Variants in PNPLA6 observed in about 807,000 individuals in gnomAD.
The protein encoded by PNPLA6 is patatin-like phospholipase domain-containing protein 6.
Under a neutral mutation model 153.7 loss-of-function variants are expected in PNPLA6, and 105 were observed. The observed-to-expected ratio is 0.68, with a 90% confidence interval of 0.58 to 0.80. The LOEUF is 0.80. Ranked by LOEUF, PNPLA6 falls within the 30% of genes least tolerant of loss-of-function variation. PNPLA6 has a pLI of 0.00. For synonymous variants in PNPLA6, 825 were observed against 822.2 expected, an observed-to-expected ratio of 1.00 and a Z score of -0.06; for missense variants, 1,423 against 1,919.3, an observed-to-expected ratio of 0.74 and a Z score of 4.83.
Position 7,561,576 on chromosome 19 carries a change from G to A in PNPLA6, c.*14G>A. On this transcript the variant is annotated 3_prime_UTR_variant, in exon 32 of 32. Coordinates refer to ENST00000600737, the MANE Select transcript of PNPLA6 (RefSeq NM_001166114.2). Reference sequence around the variant, plus strand: ...ACAGATGCCTGAGGACCTCGACAGGGGTCACCCCCTCCCTCCCACCCCTGG... The same window carrying A: ...ACAGATGCCTGAGGACCTCGACAGGAGTCACCCCCTCCCTCCCACCCCTGG... The A allele has an allele frequency of 6.4e-7, 1 of 1,572,246 alleles. No individual in the cohort carries two copies. The highest frequency in any genetic ancestry group is 1.2e-5 in the South Asian group (1 of 86,742).
chr19:7,555,839 T>C lies in PNPLA6; in HGVS notation c.3093+76T>C, dbSNP rs2023855633. The stretch of plus-strand genomic sequence containing the variant: ...GTGGTTCCAACCTAACCTGATCCCA[T>C]GGGGGAGCCTCCGGGGTCAGGGTGA... On this transcript the variant is annotated intron_variant, in intron 24 of 31. Coordinates refer to ENST00000600737, the MANE Select transcript of PNPLA6 (RefSeq NM_001166114.2). This position sits in a 1 kb window ranked among gnomAD's most constrained non-coding sequence, Gnocchi z 6.3. The C allele has an allele frequency of 9.3e-6, 14 of 1,497,382 alleles. No individual in the cohort carries two copies. The highest frequency in any genetic ancestry group is 1.3e-5 in the Non-Finnish European group (14 of 1,084,990). The allele number at this position is 1,497,382 out of a possible 1,614,324, so 92.8% of individuals were successfully genotyped here. A position where few individuals can be genotyped will look rare whatever the true frequency, so the allele number is the denominator to read the frequency against.
chr19:7,557,102 C>T (rs940588256), intron 26 of PNPLA6, 66 bp from the exon 27 acceptor site: 15 of 1,235,764 alleles, frequency 1.2e-5, no homozygotes, highest in African/African-American at 7.4e-5. Flanking sequence ...CCCATCGGGC[C>T]GGCTGGGCCT....
intron 3 of PNPLA6, among the ~76,000 whole-genome samples, chr19:7,538,098 G>A (rs769545603): frequency 2.6e-5 from 4 of 152,116 alleles, no homozygotes; most frequent in Non-Finnish European, 4.4e-5. Context: ...ATTGTCAGAG[G>A]GCTGTCTGAG....
rs201723958 is a variant in PNPLA6, at chr19:7,541,306, G to A, written c.925-48G>A. On this transcript the variant is annotated intron_variant, in intron 7 of 31. Transcript: ENST00000600737. The surrounding 1 kb of genome is among the most constrained non-coding windows in gnomAD (Gnocchi z 5.2). ...CTAGCCCGGCCCACCATCTGGCCCT[G>A]CCCCTTACCCCGCCCCATCTTATGG... is the stretch of plus-strand genomic sequence containing the variant. 153 of 1,529,030 alleles carry A rather than the reference G, an allele frequency of 1.0e-4. No individual in the cohort carries two copies. The African/African-American group carries it at 1.9e-3, about 19-fold the overall frequency. The allele number at this position is 1,529,030 out of a possible 1,614,324, so 94.7% of individuals were successfully genotyped here.
At chr19:7,551,130 C>T (rs1435995179) in intron 17 of PNPLA6, 23 bp downstream of exon 17, 3 of 1,324,346 alleles carry the variant, frequency 2.3e-6, no homozygotes, top group Non-Finnish European at 2.1e-6. Flanking sequence ...GTGGGCGGGG[C>T]AGAGAGGCGG....
At chr19:7,544,890 T>C (rs946551384) in intron 13 of PNPLA6, among the ~76,000 whole-genome samples, 6 of 152,194 alleles carry the variant, frequency 3.9e-5, no homozygotes, top group African/African-American at 1.4e-4. Flanking sequence ...CCCTGGGCCC[T>C]GCTTATCTGG....
At chr19:7,549,236 G>A (rs2023533418) in intron 13 of PNPLA6, among the ~76,000 whole-genome samples, 1 of 147,568 alleles carries the variant, frequency 6.8e-6, no homozygotes, top group Non-Finnish European at 1.5e-5. Context: ...GCCCACGCTG[G>A]AGTGCAGTGG....
chr19:7,559,455 T>C (rs1268835019), intron 28 of PNPLA6, among the ~76,000 whole-genome samples: 1 of 152,184 alleles, frequency 6.6e-6, no homozygotes, highest in Non-Finnish European at 1.5e-5. Flanking sequence ...GAAGCAGAAA[T>C]GTCTGCCACA....
In PNPLA6 at chr19:7,561,061, G is replaced by T. The variant is rs1453431720; in HGVS notation, c.3864G>T (p.Val1288=). The change falls in exon 30 of 32, where the codon GTG becomes GTT. Residue 1288 remains valine, a synonymous_variant. Coordinates refer to ENST00000600737, the MANE Select transcript of PNPLA6 (RefSeq NM_001166114.2). ...GCTTCACTGACTTGGCAGAGATTGT[G>T]TCCCGGATTGAGCCCCCCACGAGCT... The part of the protein sequence containing the change: ...SSGFTDLAEI[V]SRIEPPTSYV... 1 of 1,613,458 alleles carries T rather than the reference G, an allele frequency of 6.2e-7. No homozygotes were observed.
At chr19:7,550,922 C>A (rs2023614776) in intron 16 of PNPLA6, 72 bp from the exon 17 acceptor site, 10 of 1,178,618 alleles carry the variant, frequency 8.5e-6, no homozygotes, top group Admixed American at 4.0e-5. Flanking sequence ...GGCAGTACAG[C>A]CCCCTTTCCA....
At chr19:7,547,663 G>T (rs1308163781) in intron 13 of PNPLA6, among the ~76,000 whole-genome samples, 6 of 151,736 alleles carry the variant, frequency 4.0e-5, no homozygotes, top group African/African-American at 1.5e-4. Flanking sequence ...TTAGAGACGG[G>T]GTCTTGCACT....
At chr19:7,554,440 T>C in intron 20 of PNPLA6, 115 bp from the exon 21 acceptor site, 1 of 1,343,424 alleles carries the variant, frequency 7.4e-7, no homozygotes, top group Non-Finnish European at 1.1e-6. Context: ...AGCACGGACT[T>C]CCGTGGTGGG....
At chr19:7,549,494 C>CTTCTTTT (rs66673863) in intron 13 of PNPLA6, among the ~76,000 whole-genome samples, 3 of 136,290 alleles carry the variant, frequency 2.2e-5, no homozygotes, top group African/African-American at 3.0e-5. Flanking sequence ...CCTTCTTCTT[C>CTTCTTTT]TTTTTTTTTT....
In PNPLA6 at chr19:7,540,546, C is replaced by G. The variant is rs148139925; in HGVS notation, c.715-84C>G. ...TCCCCTGAGAAGGGATGAGAAGTGT[C>G]AGTGATCATTGGGATGGATGAGGGG... On this transcript the variant is annotated intron_variant, in intron 5 of 31. Transcript: ENST00000600737. The surrounding 1 kb of genome is among the most constrained non-coding windows in gnomAD (Gnocchi z 6.8). 1.9e-5 allele frequency: 22 copies of G among 1,167,676 alleles called. No individual in the cohort carries two copies. In the Admixed American group the frequency reaches 3.5e-4, roughly 19 times the overall value. 72.3% of individuals were successfully genotyped at this position (1,167,676 alleles called of 1,614,324 possible).
intron 13 of PNPLA6, among the ~76,000 whole-genome samples, chr19:7,547,518 A>T (rs929530492): frequency 6.6e-6 from 1 of 151,984 alleles, no homozygotes; most frequent in Admixed American, 6.6e-5. Context: ...CTTTTTTTAG[A>T]GACGGGGGTC....
upstream of PNPLA6, chr19:7,535,615 G>A (rs1392125833): frequency 6.3e-7 from 1 of 1,590,098 alleles, no homozygotes; most frequent in Admixed American, 1.8e-5. This position sits in a 1 kb window ranked among gnomAD's most constrained non-coding sequence, Gnocchi z 5.0. Context: ...GTGCCGGCGT[G>A]GGGCGCCAAG....
At position 7,542,749 on chromosome 19, in the gene PNPLA6, T is replaced by C; in HGVS notation, c.1363-12T>C. On this transcript the variant is annotated splice_polypyrimidine_tract_variant and intron_variant, in intron 11 of 31. Transcript: ENST00000600737. ...AGGGAGCATCAGGAGGTCACAAGCC[T>C]GCCCCACTCAGACCCCCACTCAGGA... The C allele has an allele frequency of 6.2e-7, 1 of 1,612,876 alleles. No homozygotes were observed. The highest frequency in any genetic ancestry group is 8.5e-7 in the Non-Finnish European group (1 of 1,179,882).
In PNPLA6 at chr19:7,558,988, A is replaced by G. The variant is rs201300867; in HGVS notation, c.3536A>G (p.Asp1179Gly). 16 of 1,614,212 alleles carry G rather than the reference A, an allele frequency of 9.9e-6. No homozygotes were observed. The East Asian group carries it at 3.6e-4, about 36-fold the overall frequency. ...LLWKRLNPWA[D>G]KVKVPDMAEI... Reference sequence around the variant, plus strand: ...TGGAAGCGGCTGAATCCCTGGGCTGACAAGGTAAAGGTTCCAGACATGGCT... The same window carrying G: ...TGGAAGCGGCTGAATCCCTGGGCTGGCAAGGTAAAGGTTCCAGACATGGCT... The change falls in exon 28 of 32, where the codon GAC becomes GGC. Residue 1179 changes from aspartate (D) to glycine (G), a missense_variant. Transcript: ENST00000600737.
chr19:7,560,449 T>A (rs2037102961), intron 28 of PNPLA6, 199 bp from the exon 29 acceptor site: 2 of 639,272 alleles, frequency 3.1e-6, no homozygotes, highest in Admixed American at 4.3e-5. Context: ...ATGGAGAGAT[T>A]GATTGGTAAT....
Sources: gnomAD v4.1 joint callset for allele counts (sites outside exome capture counted in the v4.1 genomes callset) on GRCh38, gnomAD v4.1.1 for gene constraint, Gnocchi (gnomAD v3.1) non-coding constraint, MANE v1.5 for transcripts, NCBI Gene and HGNC (gene_info 2026-07-23, HGNC 2026-07-21) for gene names.